Variants in CHM observed in about 807,000 individuals in gnomAD.
The protein encoded by CHM is CHM Rab escort protein.
Under a neutral mutation model 49.0 loss-of-function variants are expected in CHM, and 10 were observed. The ratio of observed to expected loss-of-function variants is 0.20; its 90% CI spans 0.13 to 0.35. The LOEUF is 0.35. Ranked by LOEUF, CHM falls within the 10% of genes least tolerant of loss-of-function variation. The pLI, the probability that CHM is intolerant of heterozygous loss-of-function variation, is 1.00. For missense variants in CHM, 455 were observed against 478.4 expected (o/e 0.95, Z 0.46); for synonymous variants, 184 against 167.5 (o/e 1.10, Z -0.76).
chrX:86,017,554 T>C (rs1430319638), intron 2 of CHM, among the ~76,000 whole-genome samples: 4 of 111,199 alleles, frequency 3.6e-5, no homozygotes, highest in Non-Finnish European at 7.5e-5. Flanking sequence ...TGCCACCATA[T>C]AAGAAGTGCA....
At chrX:85,953,002 G>A (rs1929827956) in intron 8 of CHM, among the ~76,000 whole-genome samples, 1 of 112,677 alleles carries the variant, frequency 8.9e-6, no homozygotes, top group Non-Finnish European at 1.9e-5. Context: ...CTTGTTTGCA[G>A]ATGATATAAT....
chrX:85,895,539 T>C (rs1343660889), intron 11 of CHM, among the ~76,000 whole-genome samples: 1 of 112,197 alleles, frequency 8.9e-6, no homozygotes, highest in Non-Finnish European at 1.9e-5. Flanking sequence ...TAGAAAATAC[T>C]TGTCAAAAGG....
intron 8 of CHM, among the ~76,000 whole-genome samples, chrX:85,922,885 T>C (rs1927873585): frequency 8.9e-6 from 1 of 112,068 alleles, no homozygotes; most frequent in Non-Finnish European, 1.9e-5. Context: ...AAATGAGTGT[T>C]CCACTACAAC....
chrX:85,974,735 T>G (rs1364788111), intron 4 of CHM, among the ~76,000 whole-genome samples: 2 of 108,941 alleles, frequency 1.8e-5, no homozygotes, highest in Non-Finnish European at 3.8e-5. Flanking sequence ...CATAAAACTA[T>G]AATTAAAAAA....
At chrX:86,043,000 C>CATTTTTATAGGAAA (rs1876765661) in intron 1 of CHM, among the ~76,000 whole-genome samples, 1 of 111,134 alleles carries the variant, frequency 9.0e-6, no homozygotes, top group Non-Finnish European at 1.9e-5. Flanking sequence ...ATATCTAAAC[C>CATTTTTATAGGAAA]CTATCAGCCA....
Position 85,988,305 on chromosome X carries a change from C to G in CHM, c.117-6496G>C, listed in dbSNP as rs929412544. Among the ~76,000 whole-genome samples, 3 of 111,966 alleles carry G rather than the reference C, an allele frequency of 2.7e-5. No individual in the cohort carries two copies. In the South Asian group the frequency reaches 1.1e-3, roughly 41 times the overall value. On this transcript the variant is annotated intron_variant, in intron 2 of 14. Coordinates refer to ENST00000357749, the MANE Select transcript of CHM (RefSeq NM_000390.4). ...GAAAGACTTTTGATAAAATTCAACA[C>G]TCATTCATGTTAAAAACTCTCAGCA...
chrX:86,040,332 G>C (rs1274630322), intron 1 of CHM, among the ~76,000 whole-genome samples: 1 of 112,161 alleles, frequency 8.9e-6, no homozygotes, highest in Non-Finnish European at 1.9e-5. Flanking sequence ...CCTCTTGTGA[G>C]GGGTGAAACA....
At chrX:85,947,121 T>A (rs1929461399) in intron 8 of CHM, among the ~76,000 whole-genome samples, 1 of 112,500 alleles carries the variant, frequency 8.9e-6, no homozygotes. Context: ...TTGGGAATTT[T>A]GAGTTAATGC....
At chrX:86,008,944 C>T (rs1159316088) in intron 2 of CHM, among the ~76,000 whole-genome samples, 1 of 112,347 alleles carries the variant, frequency 8.9e-6, no homozygotes, top group Admixed American at 9.4e-5. Context: ...TATCAAGTAG[C>T]ATTCATTCTC....
chrX:86,019,004 C>T (rs1933423997), intron 2 of CHM, among the ~76,000 whole-genome samples: 1 of 111,470 alleles, frequency 9.0e-6, no homozygotes, highest in African/African-American at 3.3e-5. Context: ...ATTATAAATA[C>T]ATATTTTTCT....
chrX:85,875,415 G>A (rs189847263), intron 13 of CHM, among the ~76,000 whole-genome samples: 1 of 111,889 alleles, frequency 8.9e-6, no homozygotes, highest in East Asian at 2.8e-4. Context: ...GACTAAAGAT[G>A]TAACAGGTAA....
At chrX:85,866,992 G>T (rs922204079) in intron 14 of CHM, among the ~76,000 whole-genome samples, 1 of 112,457 alleles carries the variant, frequency 8.9e-6, no homozygotes, top group Non-Finnish European at 1.9e-5. Context: ...GTGGACTTTT[G>T]AGTTAATGCT....
At chrX:85,962,723 C>G (rs1301236945) in intron 5 of CHM, among the ~76,000 whole-genome samples, 1 of 111,713 alleles carries the variant, frequency 9.0e-6, no homozygotes, top group Non-Finnish European at 1.9e-5. Context: ...TACTTTTACC[C>G]TGTCCTGTAT....
intron 2 of CHM, among the ~76,000 whole-genome samples, chrX:85,994,045 C>A (rs1932330086): frequency 9.0e-6 from 1 of 111,644 alleles, no homozygotes; most frequent in Admixed American, 9.6e-5. Flanking sequence ...TTAGTCATCT[C>A]TGAATCCTTA....
intron 4 of CHM, chrX:85,969,201 G>A (rs368195079): frequency 5.7e-4 from 418 of 738,273 alleles, no homozygotes; most frequent in South Asian, 2.1e-3. Context: ...CCAGAAAAAG[G>A]GAAACAACGT....
chrX:85,948,568 C>T (rs755552328), intron 8 of CHM, among the ~76,000 whole-genome samples: 1 of 112,288 alleles, frequency 8.9e-6, no homozygotes, highest in South Asian at 3.7e-4. Context: ...TAAAATGTCA[C>T]ATGCAGAAAT....
intron 3 of CHM, among the ~76,000 whole-genome samples, chrX:85,979,323 T>A (rs1165791603): frequency 9.0e-6 from 1 of 111,620 alleles, no homozygotes; most frequent in Non-Finnish European, 1.9e-5. Context: ...TTCGTTCTAT[T>A]TATTTTCAGA....
chrX:85,895,136 G>GTTT (rs527920499), intron 11 of CHM, among the ~76,000 whole-genome samples: 22 of 82,092 alleles, frequency 2.7e-4, no homozygotes, highest in Non-Finnish European at 3.6e-4. Flanking sequence ...GTTTTTTTTT[G>GTTT]TTTTTTTTTT....
At chrX:86,041,757 T>TATAC (rs1555971148) in intron 1 of CHM, among the ~76,000 whole-genome samples, 2 of 93,955 alleles carry the variant, frequency 2.1e-5, no homozygotes, top group East Asian at 3.2e-4. Flanking sequence ...TATATATATA[T>TATAC]ACATATATAT....
Sources: gnomAD v4.1 joint callset for allele counts (sites outside exome capture counted in the v4.1 genomes callset) on GRCh38, gnomAD v4.1.1 for gene constraint, MANE v1.5 for transcripts, NCBI Gene and HGNC (gene_info 2026-07-23, HGNC 2026-07-21) for gene names.